Variants in ANKRD10 observed in about 807,000 individuals in gnomAD.
ANKRD10 encodes ankyrin repeat domain 10, also known as ankyrin repeat domain-containing protein 10.
Under a neutral mutation model 27.0 loss-of-function variants are expected in ANKRD10, and 14 were observed. That is an observed-to-expected ratio of 0.52 (90% CI 0.34 to 0.81). The LOEUF is 0.81. ANKRD10 is among the 40% of genes least tolerant of loss of function. The probability of loss-of-function intolerance (pLI) is 0.01; values close to 1 mark genes in which losing one functional copy is unlikely to be tolerated. For synonymous variants in ANKRD10, 250 were observed against 224.5 expected, an observed-to-expected ratio of 1.11 and a Z score of -1.01; for missense variants, 493 against 544.0, an observed-to-expected ratio of 0.91 and a Z score of 0.93.
At position 110,880,093 on chromosome 13, in the gene ANKRD10, G is replaced by T. The variant is rs753538708; in HGVS notation, c.807C>A (p.Ser269=). The change falls in exon 6 of 6, where the codon TCC becomes TCA. Residue 269 remains serine, a synonymous_variant. Transcript: ENST00000267339. The stretch of plus-strand genomic sequence containing the variant: ...ATCCATTTGTCAATGTATTCGATAC[G>T]GAGCTACTGTTTTTCATATCTGCAT... The part of the protein sequence containing the change: ...AVVTDMKNSS[S]VSNTLTNGCV... 1 of 1,613,042 alleles carries T rather than the reference G, an allele frequency of 6.2e-7. No individual in the cohort carries two copies. Among genetic ancestry groups the T allele is most frequent in the Non-Finnish European group, 8.5e-7 (1 of 1,179,108 alleles).
chr13:110,885,758 CAA>C (rs111284346), intron 4 of ANKRD10, among the ~76,000 whole-genome samples: 41,185 of 151,902 alleles, frequency 0.27, 6,962 homozygotes, highest in Non-Finnish European at 0.39. Context: ...ACGGTTTGTA[CAA>C]AAGAGTGGAC....
chr13:110,914,695 A>G (rs1428320967), intron 1 of ANKRD10, 30 bp downstream of exon 1: 2 of 1,539,484 alleles, frequency 1.3e-6, no homozygotes, highest in East Asian at 4.9e-5. Context: ...ACAGCCGGGG[A>G]AAATGGCGCC....
chr13:110,911,361 A>T (rs1422265792), intron 1 of ANKRD10, among the ~76,000 whole-genome samples: 1 of 152,170 alleles, frequency 6.6e-6, no homozygotes, highest in Non-Finnish European at 1.5e-5. Context: ...CTGAGGCAGG[A>T]GAATTGCTTG....
At position 110,914,828 on chromosome 13, in the gene ANKRD10, G is replaced by T; in HGVS notation, c.107C>A (p.Ala36Asp). Residue 36 changes from alanine (A) to aspartate (D), a missense_variant, in exon 1 of 6, where the codon GCC becomes GAC. Physicochemically the swap from Ala to Asp is moderately radical, Grantham distance 126. Coordinates refer to ENST00000267339, the MANE Select transcript of ANKRD10 (RefSeq NM_017664.4). ...LHRACRDGDL[A>D]TLCSLLQQTP... ...CTGCTGCAGCAGCGAGCAGAGCGTG[G>T]CCAGGTCCCCGTCGCGGCAGGCGCG... 1 of 1,585,560 alleles carries T rather than the reference G, an allele frequency of 6.3e-7. No homozygotes were observed.
At chr13:110,889,987 TTA>T (rs1426917092) in intron 4 of ANKRD10, among the ~76,000 whole-genome samples, 3 of 152,200 alleles carry the variant, frequency 2.0e-5, no homozygotes, top group African/African-American at 7.2e-5. Flanking sequence ...CTAAATATTT[TTA>T]TATGTGAAGT....
chr13:110,912,263 C>T (rs980092961), intron 1 of ANKRD10, among the ~76,000 whole-genome samples: 1 of 152,344 alleles, frequency 6.6e-6, no homozygotes, highest in Non-Finnish European at 1.5e-5. Context: ...AGACAAAACA[C>T]CTGACACTAC....
At chr13:110,898,750 C>CTTTTTTTTTTTTTT (rs56176208) in intron 3 of ANKRD10, among the ~76,000 whole-genome samples, 1 of 106,556 alleles carries the variant, frequency 9.4e-6, no homozygotes, top group Non-Finnish European at 1.9e-5. Context: ...TTTTTCTTTT[C>CTTTTTTTTTTTTTT]TTTTTTTTTT....
intron 4 of ANKRD10, among the ~76,000 whole-genome samples, chr13:110,887,866 T>A (rs1261099777): frequency 6.6e-6 from 1 of 152,136 alleles, no homozygotes; most frequent in African/African-American, 2.4e-5. Flanking sequence ...ACTGAGTGCA[T>A]CCTGCTGCTG....
chr13:110,885,813 C>T (rs1284346390), intron 4 of ANKRD10, among the ~76,000 whole-genome samples: 3 of 152,236 alleles, frequency 2.0e-5, no homozygotes, highest in African/African-American at 4.8e-5. Flanking sequence ...TACCTACACA[C>T]TCAATTGGCG....
intron 3 of ANKRD10, among the ~76,000 whole-genome samples, chr13:110,899,426 T>G (rs2138858680): frequency 6.6e-6 from 1 of 152,324 alleles, no homozygotes; most frequent in South Asian, 2.1e-4. Flanking sequence ...AATAGGACTG[T>G]GTTGTTCTAC....
chr13:110,895,323 T>A (rs1197379514), intron 3 of ANKRD10: 1 of 152,290 alleles, frequency 6.6e-6, no homozygotes, highest in Non-Finnish European at 1.5e-5. Context: ...GGCTCACGCC[T>A]GTAATCCCAG....
intron 3 of ANKRD10, among the ~76,000 whole-genome samples, chr13:110,902,674 A>G (rs1290435531): frequency 1.3e-5 from 2 of 152,232 alleles, no homozygotes; most frequent in African/African-American, 4.8e-5. Flanking sequence ...AAATCTGGTT[A>G]CCACAGAATA....
chr13:110,884,743 G>A (rs2064884496), intron 4 of ANKRD10, among the ~76,000 whole-genome samples: 1 of 152,008 alleles, frequency 6.6e-6, no homozygotes, highest in Non-Finnish European at 1.5e-5. Context: ...GCATTTTTAT[G>A]TGTATTTCTG....
chr13:110,897,372 C>A (rs2065256213), intron 3 of ANKRD10, among the ~76,000 whole-genome samples: 1 of 150,114 alleles, frequency 6.7e-6, no homozygotes, highest in Non-Finnish European at 1.5e-5. Flanking sequence ...GATCCTCCCA[C>A]CTCAGACTCC....
At chr13:110,896,051 G>A (rs1487557537) in intron 3 of ANKRD10, among the ~76,000 whole-genome samples, 1 of 152,202 alleles carries the variant, frequency 6.6e-6, no homozygotes, top group Non-Finnish European at 1.5e-5. Flanking sequence ...GACCAAGGAA[G>A]CAAGAACAAT....
At chr13:110,914,466 G>A (rs1051417813) in intron 1 of ANKRD10, 16 of 322,256 alleles carry the variant, frequency 5.0e-5, no homozygotes, top group Non-Finnish European at 1.6e-5. Flanking sequence ...GCGCGCCGCC[G>A]CACATGCGCC....
At chr13:110,887,642 C>T (rs2064967267) in intron 4 of ANKRD10, among the ~76,000 whole-genome samples, 2 of 152,196 alleles carry the variant, frequency 1.3e-5, no homozygotes, top group Non-Finnish European at 2.9e-5. Flanking sequence ...TTATATTCCC[C>T]AAGACTAAAT....
chr13:110,899,863 A>T lies in ANKRD10; in HGVS notation c.455+6170T>A, dbSNP rs112513487. On this transcript the variant is annotated intron_variant, in intron 3 of 5. Coordinates refer to ENST00000267339, the MANE Select transcript of ANKRD10 (RefSeq NM_017664.4). ...AAATCAAACTGGCAGTAACTTTACT[A>T]AAGATACAAATGCTTATATGCTATA... Among the ~76,000 whole-genome samples the T allele has an allele frequency of 4.6e-5, 7 of 152,294 alleles. 2 individuals carry two copies. The highest frequency in any genetic ancestry group is 1.7e-4 in the African/African-American group (7 of 41,568).
intron 1 of ANKRD10, among the ~76,000 whole-genome samples, chr13:110,911,269 G>T (rs755694705): frequency 1.3e-5 from 2 of 151,614 alleles, no homozygotes; most frequent in Non-Finnish European, 2.9e-5. Flanking sequence ...GGCCAACATG[G>T]TGAAACCCCA....
Sources: gnomAD v4.1 joint callset for allele counts (sites outside exome capture counted in the v4.1 genomes callset) on GRCh38, gnomAD v4.1.1 for gene constraint, MANE v1.5 for transcripts, NCBI Gene and HGNC (gene_info 2026-07-23, HGNC 2026-07-21) for gene names.